DNM3: variants seen among roughly 807,000 people sequenced by gnomAD.
DNM3 encodes dynamin 3, also known as dynamin-3.
DNM3 carries 47 observed loss-of-function variants against 101.6 expected under a neutral mutation model. The observed-to-expected ratio is 0.46, with a 90% CI of 0.37 to 0.59. The LOEUF (loss-of-function observed/expected upper bound fraction) is 0.59. Among genes scored for constraint, DNM3 ranks in the 20% least tolerant of loss-of-function variants. The probability of loss-of-function intolerance (pLI) is 0.00; values close to 1 mark genes in which losing one functional copy is unlikely to be tolerated. For missense variants in DNM3, 849 were observed against 1,085.7 expected, an observed-to-expected ratio of 0.78 and a Z score of 3.06; for synonymous variants, 385 against 387.9, an observed-to-expected ratio of 0.99 and a Z score of 0.09.
chr1:172,239,800 C>CT lies in DNM3; in HGVS notation c.1660-13753dup, dbSNP rs71107343. On this transcript the variant is annotated intron_variant, in intron 14 of 20. Transcript: ENST00000627582. Reference sequence around the variant, plus strand: ...TCTCCAGCCCTGTCTTTTTTTTTCTCTTTTTTTTTTTTTTTTTTTTGTAGT... The same window carrying CT: ...TCTCCAGCCCTGTCTTTTTTTTTCTCTTTTTTTTTTTTTTTTTTTTTGTAGT... Among the ~76,000 whole-genome samples, 397 of 108,326 alleles carry CT rather than the reference C, an allele frequency of 3.7e-3. 11 individuals are homozygous for CT. Among genetic ancestry groups the CT allele is most frequent in the Middle Eastern group, 0.023 (4 of 174 alleles). 71.1% of individuals were successfully genotyped at this position (108,326 alleles called of 152,430 possible). A position where few individuals can be genotyped will look rare whatever the true frequency, so the allele number is the denominator to read the frequency against.
intron 10 of DNM3, among the ~76,000 whole-genome samples, chr1:172,061,543 T>C: frequency 6.6e-6 from 1 of 151,650 alleles, no homozygotes; most frequent in Non-Finnish European, 1.5e-5. Flanking sequence ...TTCGTGTCCT[T>C]TGTAGGGACA....
intron 20 of DNM3, among the ~76,000 whole-genome samples, chr1:172,407,489 G>T (rs1187663712): frequency 6.6e-6 from 1 of 152,000 alleles, no homozygotes; most frequent in Non-Finnish European, 1.5e-5. Context: ...GATATGTGCA[G>T]TACGTTTCAG....
intron 14 of DNM3, among the ~76,000 whole-genome samples, chr1:172,197,762 A>G (rs1449501664): frequency 1.3e-5 from 2 of 152,038 alleles, no homozygotes; most frequent in Non-Finnish European, 2.9e-5. Context: ...TTGATTTTGT[A>G]TCCTGCAAAT....
chr1:172,116,655 C>G (rs988981587), intron 13 of DNM3, among the ~76,000 whole-genome samples: 24 of 152,160 alleles, frequency 1.6e-4, no homozygotes, highest in Non-Finnish European at 2.9e-5. Context: ...ATCTGGAACA[C>G]TTTGGGATAT....
At chr1:172,140,262 A>G (rs1012837606) in intron 14 of DNM3, 8 of 151,980 alleles carry the variant, frequency 5.3e-5, no homozygotes, top group Non-Finnish European at 8.8e-5. Flanking sequence ...TATTTATGTA[A>G]TTTCAAGAAA....
At chr1:172,102,109 C>A (rs142557403) in intron 13 of DNM3, among the ~76,000 whole-genome samples, 1 of 152,168 alleles carries the variant, frequency 6.6e-6, no homozygotes, top group East Asian at 1.9e-4. Flanking sequence ...CTACCCACCT[C>A]GGCCTCTCAA....
intron 13 of DNM3, among the ~76,000 whole-genome samples, chr1:172,102,730 G>A (rs1371680564): frequency 6.6e-6 from 1 of 151,968 alleles, no homozygotes; most frequent in African/African-American, 2.4e-5. Flanking sequence ...GCCTCCCTCC[G>A]GCTGCCCCAT....
At chr1:172,246,536 G>A (rs1456729729) in intron 14 of DNM3, among the ~76,000 whole-genome samples, 1 of 152,184 alleles carries the variant, frequency 6.6e-6, no homozygotes, top group African/African-American at 2.4e-5. Flanking sequence ...GAGAAGCAGA[G>A]TGGCAAATAG....
chr1:172,017,910 A>T (rs1029880265), intron 4 of DNM3, among the ~76,000 whole-genome samples: 1 of 152,108 alleles, frequency 6.6e-6, no homozygotes, highest in African/African-American at 2.4e-5. Flanking sequence ...AAGAATTGTT[A>T]TGCCTTCTTA....
intron 18 of DNM3, among the ~76,000 whole-genome samples, chr1:172,382,548 C>T (rs1381735636): frequency 1.3e-5 from 2 of 152,242 alleles, no homozygotes; most frequent in Non-Finnish European, 2.9e-5. Context: ...AGAGTTAAGA[C>T]TGAAATCCAA....
intron 2 of DNM3, among the ~76,000 whole-genome samples, chr1:171,977,177 G>A (rs116503765): frequency 0.012 from 1,879 of 152,228 alleles, 38 homozygotes; most frequent in African/African-American, 0.043. Context: ...TCTAAACTTA[G>A]CTGATTATCA....
In DNM3 at chr1:172,284,460, T is replaced by C. The variant is rs181540008; in HGVS notation, c.1770-24268T>C. Among the ~76,000 whole-genome samples the C allele has an allele frequency of 3.2e-3, 483 of 152,304 alleles. 5 individuals carry two copies. Among genetic ancestry groups the C allele is most frequent in the African/African-American group, 0.011 (467 of 41,558 alleles). ...AATCCATTTACCATCCTTTTTTTTCTCTCTGTAATGCCAGAATATAAGCTT... is the reference window on the plus strand; with the variant it reads ...AATCCATTTACCATCCTTTTTTTTCCCTCTGTAATGCCAGAATATAAGCTT... On this transcript the variant is annotated intron_variant, in intron 15 of 20. Coordinates refer to ENST00000627582, the MANE Select transcript of DNM3 (RefSeq NM_015569.5).
intron 14 of DNM3, among the ~76,000 whole-genome samples, chr1:172,217,865 T>C (rs1355825179): frequency 6.6e-6 from 1 of 152,178 alleles, no homozygotes; most frequent in Non-Finnish European, 1.5e-5. Context: ...TGTCTTCTTA[T>C]GTTCATGATC....
intron 2 of DNM3, among the ~76,000 whole-genome samples, chr1:171,964,285 C>G (rs2043417709): frequency 6.6e-6 from 1 of 152,102 alleles, no homozygotes. Context: ...AGTCTATTCT[C>G]TCTGAAGCCT....
At chr1:172,313,476 A>AT (rs1323175992) in intron 16 of DNM3, among the ~76,000 whole-genome samples, 1 of 152,246 alleles carries the variant, frequency 6.6e-6, no homozygotes, top group Non-Finnish European at 1.5e-5. Flanking sequence ...GGCTTACAAT[A>AT]TTTAAATTAC....
chr1:172,214,460 A>G (rs1016415500), intron 14 of DNM3, among the ~76,000 whole-genome samples: 1 of 152,064 alleles, frequency 6.6e-6, no homozygotes, highest in African/African-American at 2.4e-5. Flanking sequence ...AAAAGAAAAA[A>G]AAGTTTGGAT....
intron 13 of DNM3, among the ~76,000 whole-genome samples, chr1:172,102,493 A>G (rs1391294776): frequency 6.6e-6 from 1 of 152,196 alleles, no homozygotes; most frequent in African/African-American, 2.4e-5. Context: ...CCAGAAAATA[A>G]GCAGATGTTC....
Position 171,895,063 on chromosome 1 carries a change from G to A in DNM3, c.162-26685G>A, listed in dbSNP as rs2037658064. Among the ~76,000 whole-genome samples the A allele has an allele frequency of 1.3e-5, 2 of 152,200 alleles. 1 individual carries two copies. Among genetic ancestry groups the A allele is most frequent in the South Asian group, 4.1e-4 (2 of 4,830 alleles). On this transcript the variant is annotated intron_variant, in intron 1 of 20. Coordinates refer to ENST00000627582, the MANE Select transcript of DNM3 (RefSeq NM_015569.5). Reference sequence around the variant, plus strand: ...TGATGGACATTTGGGTTGGTTCCAAGTCTTTGCTATTGTGAATAGTGCTGC... The same window carrying A: ...TGATGGACATTTGGGTTGGTTCCAAATCTTTGCTATTGTGAATAGTGCTGC...
At chr1:172,090,734 G>A (rs184033499) in intron 12 of DNM3, among the ~76,000 whole-genome samples, 1 of 152,154 alleles carries the variant, frequency 6.6e-6, no homozygotes, top group African/African-American at 2.4e-5. Context: ...GTGAAGGAAA[G>A]CAGCTTAAAT....
Sources: gnomAD v4.1 joint callset for allele counts (sites outside exome capture counted in the v4.1 genomes callset) on GRCh38, gnomAD v4.1.1 for gene constraint, MANE v1.5 for transcripts, NCBI Gene and HGNC (gene_info 2026-07-23, HGNC 2026-07-21) for gene names.